The following FNIP2 variants were observed in gnomAD, a reference collection of about 807,000 sequenced individuals.
FNIP2 encodes the protein folliculin interacting protein 2, also known as folliculin-interacting protein 2.
In FNIP2, 32 loss-of-function variants were observed where a neutral mutation model predicts 108.7. That is an observed-to-expected ratio of 0.29 (90% CI 0.22 to 0.40). FNIP2 has a LOEUF of 0.40. FNIP2 is among the 10% of genes least tolerant of loss of function. The pLI is 1.00. For synonymous variants in FNIP2, 480 were observed against 496.7 expected (o/e 0.97, Z 0.45); for missense variants, 1,202 against 1,381.6 (o/e 0.87, Z 2.06).
rs144375309 is a variant in FNIP2 at position 158,812,555 on chromosome 4, T to A, written c.108-13361T>A. On this transcript the variant is annotated intron_variant, in intron 1 of 16. Coordinates refer to ENST00000264433, the MANE Select transcript of FNIP2 (RefSeq NM_020840.3). ...CTTATTCCTGAAAGTTTCTATATCTTAAAAGTTCCTTTGACAACTGAAATT... is the reference window on the plus strand; with the variant it reads ...CTTATTCCTGAAAGTTTCTATATCTAAAAAGTTCCTTTGACAACTGAAATT... Among the ~76,000 whole-genome samples the A allele has an allele frequency of 4.7e-3, 718 of 152,302 alleles. 3 individuals are homozygous for A. In the Middle Eastern group the frequency reaches 0.051, roughly 11 times the overall value.
intron 1 of FNIP2, among the ~76,000 whole-genome samples, chr4:158,798,222 GC>G (rs1776652488): frequency 6.6e-6 from 1 of 151,792 alleles, no homozygotes. Context: ...GCACCACCAT[GC>G]CTGATTACTT....
chr4:158,769,828 A>C (rs1775634739), intron 1 of FNIP2, among the ~76,000 whole-genome samples: 1 of 152,250 alleles, frequency 6.6e-6, no homozygotes, highest in Non-Finnish European at 1.5e-5. Context: ...GAATGAAAGT[A>C]TGTAATTTCC....
At chr4:158,822,274 C>G (rs1777928508) in intron 1 of FNIP2, among the ~76,000 whole-genome samples, 1 of 150,084 alleles carries the variant, frequency 6.7e-6, no homozygotes. Context: ...ACTTCCCGAG[C>G]TCAGGTGATT....
At position 158,895,829 on chromosome 4, in the gene FNIP2, C is replaced by T. The variant is rs756585371; in HGVS notation, c.3230C>T (p.Thr1077Ile). Residue 1077 changes from threonine (T) to isoleucine (I), a missense_variant, in exon 16 of 17, where the codon ACA (threonine) becomes ATA (isoleucine). Around this residue, in one of 5 missense-constraint regions of FNIP2, gnomAD observed 142 missense variants for 183.8 expected, o/e 0.77. Transcript: ENST00000264433. ...KMLSEYLRGHTRVHVKELGVV... is the reference protein window; with the variant it reads ...KMLSEYLRGHIRVHVKELGVV... The stretch of plus-strand genomic sequence containing the variant: ...CTATCTGAATATCTCCGGGGACACA[C>T]ACGAGTCCATGTGAAAGAATTAGGT... 2.5e-6 allele frequency: 4 copies of T among 1,613,192 alleles called. No homozygotes were observed. The highest frequency in any genetic ancestry group is 2.7e-5 in the African/African-American group (2 of 75,010).
chr4:158,868,959 A>G lies in FNIP2; in HGVS notation c.2323A>G (p.Asn775Asp), dbSNP rs1157444960. 2 of 1,613,646 alleles carry G rather than the reference A, an allele frequency of 1.2e-6. No homozygotes were observed. The highest frequency in any genetic ancestry group is 1.3e-5 in the African/African-American group (1 of 74,940). ...CCCTTTTAAACCTGGCTTTCAGGAG[A>G]ATGTTTGCTGTCCTCAGAATCGGCT... Reference protein sequence around the residue: ...RSPFKPGFQENVCCPQNRLSE... With the variant: ...RSPFKPGFQEDVCCPQNRLSE... The change falls in exon 13 of 17, where the codon AAT becomes GAT. Residue 775 changes from asparagine (N) to aspartate (D), a missense_variant. Asn to Asp is a conservative substitution (Grantham distance 23). This residue lies in a region of FNIP2 where 878 missense variants were observed against 990.3 expected (regional missense o/e 0.89). Transcript: ENST00000264433. This position sits in a 1 kb window ranked among gnomAD's most constrained non-coding sequence, Gnocchi z 4.6.
chr4:158,872,712 T>G, intron 14 of FNIP2: 1 of 984,498 alleles, frequency 1.0e-6, no homozygotes, highest in Non-Finnish European at 1.2e-6. Context: ...CTGTTTAAAC[T>G]GGCGCTCTGG....
chr4:158,777,956 A>T (rs1203810651), intron 1 of FNIP2, among the ~76,000 whole-genome samples: 2 of 152,188 alleles, frequency 1.3e-5, no homozygotes, highest in South Asian at 4.1e-4. Context: ...CCTTTTGGAA[A>T]TACTCTATGC....
intron 7 of FNIP2, among the ~76,000 whole-genome samples, chr4:158,849,106 G>A (rs571271140): frequency 6.6e-6 from 1 of 152,234 alleles, no homozygotes; most frequent in East Asian, 1.9e-4. Flanking sequence ...AGGGTCTTAC[G>A]ATCTACTTTC....
chr4:158,776,822 CA>C (rs1775878302), intron 1 of FNIP2, among the ~76,000 whole-genome samples: 2 of 152,174 alleles, frequency 1.3e-5, no homozygotes, highest in African/African-American at 4.8e-5. Flanking sequence ...GAGTTTTGAA[CA>C]CTGATGATCC....
chr4:158,839,385 G>T (rs564533602), intron 7 of FNIP2, among the ~76,000 whole-genome samples: 1 of 132,914 alleles, frequency 7.5e-6, no homozygotes, highest in Non-Finnish European at 1.8e-5. Flanking sequence ...TTTTGGAGAC[G>T]GTCTTGCTTG....
At chr4:158,830,286 C>T (rs539852202) in intron 3 of FNIP2, among the ~76,000 whole-genome samples, 4 of 129,484 alleles carry the variant, frequency 3.1e-5, no homozygotes, top group Admixed American at 9.2e-5. Flanking sequence ...GACGGAGTCT[C>T]GCTCTGTCGC....
chr4:158,889,596 G>T (rs1048934633), intron 14 of FNIP2, among the ~76,000 whole-genome samples: 2 of 152,034 alleles, frequency 1.3e-5, no homozygotes, highest in Admixed American at 1.3e-4. Flanking sequence ...TCCTCCCCTT[G>T]CCCTTTGCAA....
At chr4:158,892,920 T>C (rs17286457) in intron 15 of FNIP2, among the ~76,000 whole-genome samples, 1,756 of 152,270 alleles carry the variant, frequency 0.012, 14 homozygotes, top group Middle Eastern at 0.021. Context: ...TATGACCAAA[T>C]CTATACTTGT....
At chr4:158,817,233 T>C (rs1167301383) in intron 1 of FNIP2, among the ~76,000 whole-genome samples, 1 of 152,202 alleles carries the variant, frequency 6.6e-6, no homozygotes, top group Non-Finnish European at 1.5e-5. Context: ...CCACTCAGTG[T>C]CCCTCTCACC....
At chr4:158,849,972 A>G (rs1779610018) in intron 7 of FNIP2, among the ~76,000 whole-genome samples, 1 of 152,186 alleles carries the variant, frequency 6.6e-6, no homozygotes, top group Non-Finnish European at 1.5e-5. Flanking sequence ...TCTGCTTTGG[A>G]AAGAAACTTG....
At position 158,808,164 on chromosome 4, in the gene FNIP2, A is replaced by G. The variant is rs536890911; in HGVS notation, c.108-17752A>G. On this transcript the variant is annotated intron_variant, in intron 1 of 16. Coordinates refer to ENST00000264433, the MANE Select transcript of FNIP2 (RefSeq NM_020840.3). Reference sequence around the variant, plus strand: ...TTCTTCTTCTGAGATTCTTAGATGTAGTAGTAGGGCCTTCTGTATTCCGTA... The same window carrying G: ...TTCTTCTTCTGAGATTCTTAGATGTGGTAGTAGGGCCTTCTGTATTCCGTA... Among the ~76,000 whole-genome samples, 17 of 152,288 alleles carry G rather than the reference A, an allele frequency of 1.1e-4. No individual in the cohort carries two copies. The East Asian group carries it at 3.3e-3, about 29-fold the overall frequency.
At chr4:158,817,862 A>G (rs1777662760) in intron 1 of FNIP2, among the ~76,000 whole-genome samples, 1 of 152,120 alleles carries the variant, frequency 6.6e-6, no homozygotes, top group Non-Finnish European at 1.5e-5. Context: ...TTCCTTTTAT[A>G]GAGGAGGAGA....
chr4:158,785,298 A>G (rs376040356), intron 1 of FNIP2, among the ~76,000 whole-genome samples: 1 of 152,058 alleles, frequency 6.6e-6, no homozygotes. Context: ...GTTGGCCAGG[A>G]TGGTCGCGAT....
At chr4:158,808,533 C>T (rs911078684) in intron 1 of FNIP2, 1 of 152,140 alleles carries the variant, frequency 6.6e-6, no homozygotes, top group African/African-American at 2.4e-5. Context: ...GCTTTCTCTT[C>T]TCCTTTCTAC....
Sources: gnomAD v4.1 joint callset for allele counts (sites outside exome capture counted in the v4.1 genomes callset) on GRCh38, gnomAD v4.1.1 for gene constraint, gnomAD v4.1.1 regional missense constraint, Gnocchi (gnomAD v3.1) non-coding constraint, MANE v1.5 for transcripts, NCBI Gene and HGNC (gene_info 2026-07-23, HGNC 2026-07-21) for gene names.